The following BLM variants were observed in gnomAD, a reference collection of about 807,000 sequenced individuals.
BLM encodes the protein recQ-like DNA helicase BLM.
In BLM, 95 loss-of-function variants were observed where a neutral mutation model predicts 135.3. The observed-to-expected ratio is 0.70, with a 90% CI of 0.59 to 0.83. The LOEUF is 0.83. Among genes scored for constraint, BLM ranks in the 40% least tolerant of loss-of-function variants. BLM has a pLI of 0.00. For missense variants in BLM, 1,518 were observed against 1,663.9 expected, an observed-to-expected ratio of 0.91 and a Z score of 1.53; for synonymous variants, 520 against 589.2, an observed-to-expected ratio of 0.88 and a Z score of 1.70.
intron 15 of BLM, among the ~76,000 whole-genome samples, chr15:90,791,882 C>T (rs62025120): frequency 0.041 from 6,284 of 151,876 alleles, 152 homozygotes; most frequent in Non-Finnish European, 0.054. Flanking sequence ...TCAGGTGATC[C>T]GCCCACCTCA....
At chr15:90,801,091 G>C (rs1207818951) in intron 17 of BLM, among the ~76,000 whole-genome samples, 1 of 151,794 alleles carries the variant, frequency 6.6e-6, no homozygotes, top group Non-Finnish European at 1.5e-5. Flanking sequence ...GGAGGTTGCA[G>C]TGAGCTAAGA....
rs1453528436 is a variant in BLM at position 90,798,755 on chromosome 15, G to T, written c.3358+418G>T. On this transcript the variant is annotated intron_variant, in intron 17 of 21. Coordinates refer to ENST00000355112, the MANE Select transcript of BLM (RefSeq NM_000057.4). ...CCAGCACTTTGGGAGGCCGAGGCGG[G>T]CGGATCACCTGAGATCAGGAGTTTG... 2.6e-5 allele frequency among the ~76,000 whole-genome samples: 4 copies of T among 152,294 alleles called. No individual in the cohort carries two copies. The East Asian group carries it at 7.7e-4, about 29-fold the overall frequency.
In BLM at chr15:90,760,700, T is replaced by C; in HGVS notation, c.1327T>C (p.Ser443Pro). The change falls in exon 7 of 22, where the codon TCC (serine) becomes CCC (proline). Residue 443 changes from serine (S) to proline (P), a missense_variant. Around this residue, in one of 5 missense-constraint regions of BLM, gnomAD observed 724 missense variants for 756.9 expected, o/e 0.96. Transcript: ENST00000355112. ...ACTTGATGGCCCTATGGAGGGTGAT[T>C]CCTGCCCTACAGGGAATTCTATGAA... ...DSLDGPMEGDSCPTGNSMKEL... is the reference protein window; with the variant it reads ...DSLDGPMEGDPCPTGNSMKEL... 1 of 1,614,114 alleles carries C rather than the reference T, an allele frequency of 6.2e-7. No homozygotes were observed. The highest frequency in any genetic ancestry group is 8.5e-7 in the Non-Finnish European group (1 of 1,179,946).
chr15:90,724,616 T>G (rs1036811576), intron 1 of BLM, among the ~76,000 whole-genome samples: 15 of 152,218 alleles, frequency 9.9e-5, no homozygotes, highest in African/African-American at 3.4e-4. Flanking sequence ...TCCTCCACAT[T>G]CAGTCACAGA....
chr15:90,780,328 C>T (rs1457524433), intron 12 of BLM, among the ~76,000 whole-genome samples: 3 of 152,132 alleles, frequency 2.0e-5, no homozygotes, highest in Admixed American at 1.3e-4. Context: ...CATGATCTGC[C>T]CGCCTTGGCC....
chr15:90,783,889 A>T (rs1042587863), intron 13 of BLM, among the ~76,000 whole-genome samples: 1 of 152,220 alleles, frequency 6.6e-6, no homozygotes, highest in Non-Finnish European at 1.5e-5. Flanking sequence ...AGACTGTCTC[A>T]AAAAACAAAA....
intron 15 of BLM, among the ~76,000 whole-genome samples, chr15:90,793,540 A>G (rs1781863600): frequency 6.6e-6 from 1 of 152,218 alleles, no homozygotes; most frequent in South Asian, 2.1e-4. Context: ...TTCCTGTTTC[A>G]CATTGATTTT....
intron 7 of BLM, chr15:90,762,349 GGGAGTCAGGAGGC>G (rs1386854957): frequency 6.5e-6 from 1 of 152,712 alleles, no homozygotes; most frequent in Admixed American, 6.5e-5. Flanking sequence ...ACACAAACAG[GGGAGTCAGGAGGC>G]GGAGTCAGAT....
chr15:90,749,439 A>T lies in BLM; in HGVS notation c.171A>T (p.Thr57=), dbSNP rs1895602030. 1.2e-6 allele frequency: 2 copies of T among 1,612,080 alleles called. No homozygotes were observed. The highest frequency in any genetic ancestry group is 2.7e-5 in the African/African-American group (2 of 74,888). ...VSVTNVSVAK[T]PVLRNKDVNV... is the part of the protein sequence containing the mutation. ...TAACTAATGTGTCAGTAGCAAAAAC[A>T]CCTGTATTAAGAAATAAAGATGTTA... The change falls in exon 3 of 22, where the codon ACA becomes ACT. Residue 57 remains threonine (T), a synonymous_variant. Coordinates refer to ENST00000355112, the MANE Select transcript of BLM (RefSeq NM_000057.4).
At chr15:90,784,367 T>C (rs1029741469) in intron 13 of BLM, among the ~76,000 whole-genome samples, 1 of 130,036 alleles carries the variant, frequency 7.7e-6, no homozygotes, top group African/African-American at 3.0e-5. Flanking sequence ...TGAGTCTCAC[T>C]CTATCTCCAG....
In BLM at chr15:90,794,832, T is replaced by C. The variant is rs182407398; in HGVS notation, c.3210+475T>C. Among the ~76,000 whole-genome samples the C allele has an allele frequency of 1.8e-4, 27 of 151,210 alleles. No individual in the cohort carries two copies. In the East Asian group the frequency reaches 4.5e-3, roughly 25 times the overall value. Reference sequence around the variant, plus strand: ...ACTAAAAATCTCATTCTCAAAAGAGTAATAACTAGTGTACCGTATGTTTGA... The same window carrying C: ...ACTAAAAATCTCATTCTCAAAAGAGCAATAACTAGTGTACCGTATGTTTGA... On this transcript the variant is annotated intron_variant, in intron 16 of 21. Coordinates refer to ENST00000355112, the MANE Select transcript of BLM (RefSeq NM_000057.4).
chr15:90,792,390 G>A (rs1430916696), intron 15 of BLM, among the ~76,000 whole-genome samples: 2 of 152,172 alleles, frequency 1.3e-5, no homozygotes, highest in African/African-American at 2.4e-5. Context: ...ACAGGCGTGA[G>A]CCACTATGCC....
chr15:90,813,487 G>A (rs566130264), intron 21 of BLM, among the ~76,000 whole-genome samples: 8 of 152,170 alleles, frequency 5.3e-5, no homozygotes, highest in South Asian at 2.1e-4. Context: ...TCTGCCTCCC[G>A]GGTTCAAGCT....
intron 5 of BLM, 66 bp from the exon 6 acceptor site, chr15:90,760,081 A>T (rs1014265703): frequency 6.7e-7 from 1 of 1,483,504 alleles, no homozygotes; most frequent in East Asian, 2.4e-5. Context: ...ATGAGCCACC[A>T]TGCCTAGCCA....
chr15:90,786,360 G>T (rs1896750113), intron 14 of BLM, among the ~76,000 whole-genome samples: 1 of 152,104 alleles, frequency 6.6e-6, no homozygotes, highest in Admixed American at 6.6e-5. Flanking sequence ...ACGGACATAT[G>T]TTTTCAGTTC....
chr15:90,760,106 T>C (rs764735524), intron 5 of BLM, 41 bp from the exon 6 acceptor site: 2 of 1,584,174 alleles, frequency 1.3e-6, no homozygotes, highest in Non-Finnish European at 1.7e-6. Flanking sequence ...TTTTTTTTTT[T>C]TCCCTCAAAG....
Position 90,790,132 on chromosome 15 carries a change from G to A in BLM, c.2824-517G>A, listed in dbSNP as rs937147447. Among the ~76,000 whole-genome samples, 6 of 151,512 alleles carry A rather than the reference G, an allele frequency of 4.0e-5. No individual in the cohort carries two copies. In the South Asian group the frequency reaches 6.3e-4, roughly 16 times the overall value. The stretch of plus-strand genomic sequence containing the variant: ...GAAGGAGTTGATGTGTGATCAGCTG[G>A]TGCTATTGGGAAAACTGATGATAAG... On this transcript the variant is annotated intron_variant, in intron 14 of 21. Transcript: ENST00000355112.
At chr15:90,741,616 T>C (rs1035983378) in intron 1 of BLM, among the ~76,000 whole-genome samples, 9 of 152,216 alleles carry the variant, frequency 5.9e-5, no homozygotes, top group African/African-American at 2.2e-4. Context: ...TCAAAAACTA[T>C]GAAGGGTCTG....
intron 15 of BLM, 76 bp from the exon 16 acceptor site, chr15:90,794,091 C>G (rs1896969234): frequency 9.4e-7 from 1 of 1,067,408 alleles, no homozygotes; most frequent in African/African-American, 1.6e-5. Flanking sequence ...TTATATGAAT[C>G]TATTCTAAAT....
Sources: gnomAD v4.1 joint callset for allele counts (sites outside exome capture counted in the v4.1 genomes callset) on GRCh38, gnomAD v4.1.1 for gene constraint, gnomAD v4.1.1 regional missense constraint, MANE v1.5 for transcripts, NCBI Gene and HGNC (gene_info 2026-07-23, HGNC 2026-07-21) for gene names.